The following CCBE1 variants were observed in gnomAD, a reference collection of about 807,000 sequenced individuals.
CCBE1 encodes collagen and calcium-binding EGF domain-containing protein 1.
In CCBE1, 37 loss-of-function variants were observed where a neutral mutation model predicts 50.0. That is an observed-to-expected ratio of 0.74 (90% CI 0.57 to 0.97). The LOEUF (loss-of-function observed/expected upper bound fraction) is 0.97, where lower values mean the gene tolerates loss of function less well. Among genes scored for constraint, CCBE1 ranks in the 50% least tolerant of loss-of-function variants. CCBE1 has a pLI of 0.00. For synonymous variants in CCBE1, 234 were observed against 203.7 expected (o/e 1.15, Z -1.27); for missense variants, 538 against 523.8 (o/e 1.03, Z -0.26).
chr18:59,564,226 A>C (rs11875252), intron 2 of CCBE1, among the ~76,000 whole-genome samples: 3,865 of 152,340 alleles, frequency 0.025, 171 homozygotes, highest in African/African-American at 0.089. Flanking sequence ...CACAAAATTC[A>C]TATTTTATAG....
At chr18:59,549,384 G>A (rs974338276) in intron 2 of CCBE1, among the ~76,000 whole-genome samples, 12 of 152,156 alleles carry the variant, frequency 7.9e-5, no homozygotes, top group Non-Finnish European at 1.5e-4. Context: ...GTTTGAAGGA[G>A]CAAATGATAC....
intron 2 of CCBE1, among the ~76,000 whole-genome samples, chr18:59,540,207 A>G (rs1002146846): frequency 1.3e-5 from 2 of 152,234 alleles, no homozygotes; most frequent in African/African-American, 4.8e-5. Flanking sequence ...CCATTGAGAG[A>G]AATAAATTAT....
chr18:59,503,548 G>T (rs1913727677), intron 2 of CCBE1, among the ~76,000 whole-genome samples: 1 of 152,142 alleles, frequency 6.6e-6, no homozygotes, highest in South Asian at 2.1e-4. Flanking sequence ...AATGTTTCCA[G>T]TCTGCCTCCC....
At chr18:59,652,110 G>C (rs1307661812) in intron 2 of CCBE1, among the ~76,000 whole-genome samples, 1 of 152,154 alleles carries the variant, frequency 6.6e-6, no homozygotes, top group Non-Finnish European at 1.5e-5. Context: ...ATGCGAACAT[G>C]TGATATTTGT....
At chr18:59,480,981 G>A (rs954944371) in intron 2 of CCBE1, among the ~76,000 whole-genome samples, 1 of 152,064 alleles carries the variant, frequency 6.6e-6, no homozygotes, top group Admixed American at 6.6e-5. Flanking sequence ...GTACAAATGT[G>A]ACCCATTCTC....
chr18:59,680,542 CA>C (rs1166229174), intron 2 of CCBE1, among the ~76,000 whole-genome samples: 1 of 151,072 alleles, frequency 6.6e-6, no homozygotes. Context: ...ACTAAAAACA[CA>C]AAAAATTAGC....
chr18:59,695,312 C>T (rs981122277), intron 2 of CCBE1, among the ~76,000 whole-genome samples: 3 of 152,220 alleles, frequency 2.0e-5, no homozygotes, highest in African/African-American at 7.2e-5. Context: ...CCAGCACCAC[C>T]AGGTCACTTC....
chr18:59,683,880 T>G (rs1015166925), intron 2 of CCBE1, among the ~76,000 whole-genome samples: 1 of 151,808 alleles, frequency 6.6e-6, no homozygotes, highest in Non-Finnish European at 1.5e-5. Context: ...CCTCACCCCC[T>G]ACATCAGTGA....
intron 2 of CCBE1, among the ~76,000 whole-genome samples, chr18:59,596,834 G>GAA (rs2053358211): frequency 6.6e-6 from 1 of 152,178 alleles, no homozygotes; most frequent in African/African-American, 2.4e-5. Context: ...CAAAACTTTT[G>GAA]TTTCACAGCC....
At chr18:59,508,629 A>G (rs1913990497) in intron 2 of CCBE1, among the ~76,000 whole-genome samples, 1 of 151,572 alleles carries the variant, frequency 6.6e-6, no homozygotes, top group Non-Finnish European at 1.5e-5. Context: ...AAGAAAAAGA[A>G]ACTACCCCAT....
chr18:59,440,757 A>C (rs984862553), intron 7 of CCBE1, among the ~76,000 whole-genome samples: 4 of 152,022 alleles, frequency 2.6e-5, no homozygotes, highest in Admixed American at 1.3e-4. Flanking sequence ...AGATCATCTC[A>C]CCCCAAGGCC....
chr18:59,612,534 C>T (rs1036423247), intron 2 of CCBE1, among the ~76,000 whole-genome samples: 5 of 152,108 alleles, frequency 3.3e-5, no homozygotes, highest in Non-Finnish European at 5.9e-5. Flanking sequence ...GTTTTCTGGG[C>T]AGCTGACTTT....
At chr18:59,619,602 C>G (rs543821530) in intron 2 of CCBE1, among the ~76,000 whole-genome samples, 6 of 152,276 alleles carry the variant, frequency 3.9e-5, no homozygotes, top group African/African-American at 1.4e-4. Context: ...TTATCCGGCT[C>G]CATTTAACTG....
At chr18:59,688,946 T>C (rs1194158577) in intron 2 of CCBE1, among the ~76,000 whole-genome samples, 1 of 152,144 alleles carries the variant, frequency 6.6e-6, no homozygotes, top group Admixed American at 6.5e-5. Context: ...CCAATCCTGG[T>C]GTTTGTATTA....
intron 3 of CCBE1, among the ~76,000 whole-genome samples, chr18:59,474,165 CTTTGCTAT>C (rs922254720): frequency 1.4e-4 from 21 of 152,284 alleles, no homozygotes; most frequent in African/African-American, 5.1e-4. Context: ...GATTCCATGT[CTTTGCTAT>C]TGTGAATAGC....
intron 2 of CCBE1, among the ~76,000 whole-genome samples, chr18:59,648,983 C>T (rs540738199): frequency 6.6e-6 from 1 of 152,296 alleles, no homozygotes; most frequent in East Asian, 1.9e-4. Flanking sequence ...ACATCTGATC[C>T]CTACTGACAC....
intron 2 of CCBE1, among the ~76,000 whole-genome samples, chr18:59,584,525 C>T (rs1437490567): frequency 6.6e-6 from 1 of 152,114 alleles, no homozygotes; most frequent in African/African-American, 2.4e-5. Flanking sequence ...AAATGTAATC[C>T]TCAATCTTTG....
chr18:59,693,864 CTTTTTTTTTTT>C (rs11410421), intron 2 of CCBE1, among the ~76,000 whole-genome samples: 4 of 70,770 alleles, frequency 5.7e-5, no homozygotes, highest in South Asian at 6.8e-4. Context: ...AAAGGAAAGC[CTTTTTTTTTTT>C]TTTTTTTTTT....
At chr18:59,554,552 TC>T (rs2052628395) in intron 2 of CCBE1, among the ~76,000 whole-genome samples, 1 of 152,180 alleles carries the variant, frequency 6.6e-6, no homozygotes, top group African/African-American at 2.4e-5. Flanking sequence ...GGTTATGTTG[TC>T]CCCATTCGCC....
Sources: allele counts gnomAD v4.1 joint callset (sites outside exome capture counted in the v4.1 genomes callset), GRCh38; gene constraint gnomAD v4.1.1; transcripts MANE v1.5; gene names NCBI Gene and HGNC (gene_info 2026-07-23, HGNC 2026-07-21).